GRAMD1B: variants seen among roughly 807,000 people sequenced by gnomAD.
GRAMD1B encodes protein Aster-B.
In GRAMD1B, 37 loss-of-function variants were observed where a neutral mutation model predicts 99.7. The ratio of observed to expected loss-of-function variants is 0.37; its 90% confidence interval spans 0.29 to 0.49. GRAMD1B has a LOEUF of 0.49. Ranked by LOEUF, GRAMD1B falls within the 20% of genes least tolerant of loss-of-function variation. The pLI is 0.98. For missense variants in GRAMD1B, 888 were observed against 1,009.2 expected, an observed-to-expected ratio of 0.88 and a Z score of 1.63; for synonymous variants, 427 against 387.6, an observed-to-expected ratio of 1.10 and a Z score of -1.19.
intron 1 of GRAMD1B, among the ~76,000 whole-genome samples, chr11:123,420,929 G>A (rs546140188): frequency 6.6e-6 from 1 of 152,190 alleles, no homozygotes; most frequent in Non-Finnish European, 1.5e-5. Flanking sequence ...AATCTTAGGT[G>A]AATCTGAAAA....
Position 123,468,212 on chromosome 11 carries a change from G to A in GRAMD1B, c.375-12604G>A, listed in dbSNP as rs574440747. 3.9e-5 allele frequency among the ~76,000 whole-genome samples: 6 copies of A among 152,146 alleles called. No individual in the cohort carries two copies. The South Asian group carries it at 1.2e-3, about 32-fold the overall frequency. ...CAAAAAGTATGCACAAGGAAGGAAG[G>A]TGCAATCTGTGCTGATTTGAGAGTA... is the stretch of plus-strand genomic sequence containing the variant. On this transcript the variant is annotated intron_variant, in intron 1 of 19. Coordinates refer to ENST00000635736, the MANE Select transcript of GRAMD1B (RefSeq NM_001387025.1).
At chr11:123,539,132 G>T (rs1362990119) in intron 2 of GRAMD1B, among the ~76,000 whole-genome samples, 1 of 152,048 alleles carries the variant, frequency 6.6e-6, no homozygotes, top group African/African-American at 2.4e-5. Flanking sequence ...GGCCAAGGCA[G>T]GAGGATCACT....
intron 1 of GRAMD1B, among the ~76,000 whole-genome samples, chr11:123,476,337 G>T (rs1398189723): frequency 6.6e-6 from 1 of 152,118 alleles, no homozygotes; most frequent in Non-Finnish European, 1.5e-5. Flanking sequence ...CTTACTTCAG[G>T]TGATCTACCC....
rs1395956680 is a variant in GRAMD1B at position 123,623,704 on chromosome 11, G to A, written c.*1109G>A. 6.6e-6 allele frequency: 1 copy of A among 152,196 alleles called. No homozygotes were observed. Among genetic ancestry groups the A allele is most frequent in the Non-Finnish European group, 1.5e-5 (1 of 68,048 alleles). The allele number at this position is 152,196 out of a possible 1,614,324, so 9.4% of individuals were successfully genotyped here. A position where few individuals can be genotyped will look rare whatever the true frequency, so the allele number is the denominator to read the frequency against. ...CGAACCAACATTAGCCAGTGGAGACGACTGTCTGAGACAGTTTGCACATAG... is the reference window on the plus strand; with the variant it reads ...CGAACCAACATTAGCCAGTGGAGACAACTGTCTGAGACAGTTTGCACATAG... On this transcript the variant is annotated 3_prime_UTR_variant, in exon 20 of 20. Transcript: ENST00000635736.
rs182006801 is a variant in GRAMD1B at position 123,474,178 on chromosome 11, C to T, written c.375-6638C>T. The stretch of plus-strand genomic sequence containing the variant: ...CCATTTATGATACACTCACCAAGGG[C>T]CTGCTACTGCCCTAAACATGTTCTA... On this transcript the variant is annotated intron_variant, in intron 1 of 19. Coordinates refer to ENST00000635736, the MANE Select transcript of GRAMD1B (RefSeq NM_001387025.1). Among the ~76,000 whole-genome samples the T allele has an allele frequency of 1.3e-3, 204 of 152,314 alleles. 1 individual carries two copies. The highest frequency in any genetic ancestry group is 4.6e-3 in the African/African-American group (192 of 41,564).
At chr11:123,480,185 A>C (rs1414157155) in intron 1 of GRAMD1B, among the ~76,000 whole-genome samples, 1 of 152,116 alleles carries the variant, frequency 6.6e-6, no homozygotes, top group Non-Finnish European at 1.5e-5. Context: ...TAATTATCTC[A>C]CTTACAGTGC....
intron 1 of GRAMD1B, among the ~76,000 whole-genome samples, chr11:123,452,448 C>T (rs1949929789): frequency 6.6e-6 from 1 of 152,088 alleles, no homozygotes; most frequent in Non-Finnish European, 1.5e-5. Context: ...GAGTTCGAGA[C>T]CAGCCTGGCC....
intron 1 of GRAMD1B, among the ~76,000 whole-genome samples, chr11:123,408,367 G>A (rs1947927255): frequency 6.6e-6 from 1 of 152,172 alleles, no homozygotes; most frequent in Non-Finnish European, 1.5e-5. Context: ...TTGTTTGCAT[G>A]GCTGATAACC....
At chr11:123,564,479 G>A (rs1947133963) in intron 2 of GRAMD1B, among the ~76,000 whole-genome samples, 1 of 152,258 alleles carries the variant, frequency 6.6e-6, no homozygotes, top group South Asian at 2.1e-4. Flanking sequence ...GAAGGCCTGA[G>A]TCAGGAAGGC....
chr11:123,563,707 A>T (rs1164720205), intron 2 of GRAMD1B, among the ~76,000 whole-genome samples: 1 of 152,106 alleles, frequency 6.6e-6, no homozygotes, highest in Non-Finnish European at 1.5e-5. Context: ...AATTTTCTTA[A>T]AAGTATAGTA....
intron 3 of GRAMD1B, among the ~76,000 whole-genome samples, chr11:123,580,647 C>T (rs373673101): frequency 6.6e-6 from 1 of 152,198 alleles, no homozygotes; most frequent in Non-Finnish European, 1.5e-5. Context: ...CTGTCCAGGC[C>T]GACCCTCCTA....
chr11:123,401,889 C>T (rs1017092288), intron 1 of GRAMD1B, among the ~76,000 whole-genome samples: 1 of 152,006 alleles, frequency 6.6e-6, no homozygotes, highest in African/African-American at 2.4e-5. Flanking sequence ...GCCTGGGTGA[C>T]AGAGCAAGAC....
intron 1 of GRAMD1B, chr11:123,458,607 G>A (rs942258921): frequency 2.0e-5 from 3 of 151,890 alleles, no homozygotes; most frequent in Non-Finnish European, 2.9e-5. Flanking sequence ...GAAGAAAATG[G>A]TCATAAAGAA....
At chr11:123,529,700 T>C (rs1326918715) in intron 2 of GRAMD1B, among the ~76,000 whole-genome samples, 2 of 152,222 alleles carry the variant, frequency 1.3e-5, no homozygotes, top group African/African-American at 4.8e-5. Flanking sequence ...CCGCAGCTTC[T>C]ACATGGTTAT....
At chr11:123,465,106 G>T (rs991918417) in intron 1 of GRAMD1B, among the ~76,000 whole-genome samples, 1 of 152,132 alleles carries the variant, frequency 6.6e-6, no homozygotes, top group Non-Finnish European at 1.5e-5. Flanking sequence ...GTGGCTTTTT[G>T]TCCGAGCCAT....
chr11:123,582,350 C>G (rs1195617100), intron 3 of GRAMD1B, among the ~76,000 whole-genome samples: 1 of 152,148 alleles, frequency 6.6e-6, no homozygotes, highest in East Asian at 1.9e-4. Context: ...TTTTCAGGTC[C>G]CGGACTCCCA....
At chr11:123,589,642 A>ATATATAT (rs1950446757) in intron 4 of GRAMD1B, among the ~76,000 whole-genome samples, 1 of 139,462 alleles carries the variant, frequency 7.2e-6, no homozygotes, top group African/African-American at 2.6e-5. Context: ...ATATATTTGT[A>ATATATAT]GTAGAGACGG....
At chr11:123,437,088 CT>C (rs1322070836) in intron 1 of GRAMD1B, among the ~76,000 whole-genome samples, 1 of 152,100 alleles carries the variant, frequency 6.6e-6, no homozygotes, top group Non-Finnish European at 1.5e-5. Context: ...TGAACTCATC[CT>C]TTTTTATGGC....
Position 123,491,952 on chromosome 11 carries a change from C to G in GRAMD1B, c.452+11059C>G, listed in dbSNP as rs565062681. ...CCTGAGGAAGAAGCTGGCCTTTCTG[C>G]GAGCCAAGTAGGTGGTGGGGACCCT... On this transcript the variant is annotated intron_variant, in intron 2 of 19. Transcript: ENST00000635736. The G allele has an allele frequency of 3.8e-5, 15 of 399,240 alleles. No homozygotes were observed. In the Admixed American group the frequency reaches 4.4e-4, roughly 12 times the overall value. The allele number at this position is 399,240 out of a possible 1,614,324, so 24.7% of individuals were successfully genotyped here.
Sources: allele counts gnomAD v4.1 joint callset (sites outside exome capture counted in the v4.1 genomes callset), GRCh38; gene constraint gnomAD v4.1.1; transcripts MANE v1.5; gene names NCBI Gene and HGNC (gene_info 2026-07-23, HGNC 2026-07-21).